ATF6: variants seen among roughly 807,000 people sequenced by gnomAD.
ATF6 encodes cyclic AMP-dependent transcription factor ATF-6 alpha.
In ATF6, 53 loss-of-function variants were observed where a neutral mutation model predicts 83.6. That is an observed-to-expected ratio of 0.63 (90% confidence interval 0.51 to 0.80). The LOEUF is 0.80. ATF6 is among the 30% of genes least tolerant of loss of function. ATF6 has a pLI of 0.00. For synonymous variants in ATF6, 288 were observed against 285.8 expected (o/e 1.01, Z -0.08); for missense variants, 744 against 797.9 (o/e 0.93, Z 0.81).
chr1:161,950,144 A>C (rs550486643), intron 15 of ATF6, among the ~76,000 whole-genome samples: 1 of 152,324 alleles, frequency 6.6e-6, no homozygotes, highest in South Asian at 2.1e-4. Context: ...TTAAGATTCC[A>C]TTTTATCAGT....
rs186657888 is a variant in ATF6 at position 161,780,381 on chromosome 1, A to T, written c.160-1531A>T. Among the ~76,000 whole-genome samples, 1,144 of 145,916 alleles carry T rather than the reference A, an allele frequency of 7.8e-3. 16 individuals carry two copies. The highest frequency in any genetic ancestry group is 0.028 in the African/African-American group (1,083 of 38,924). On this transcript the variant is annotated intron_variant, in intron 2 of 15. Coordinates refer to ENST00000367942, the MANE Select transcript of ATF6 (RefSeq NM_007348.4). ...GGTGTATTTTTTTATTTTTATTTTT[A>T]TTTTTTTTTTGAGACGGAGTCTTGC...
At chr1:161,937,841 T>G (rs1011676334) in intron 15 of ATF6, among the ~76,000 whole-genome samples, 2 of 151,940 alleles carry the variant, frequency 1.3e-5, no homozygotes, top group African/African-American at 2.4e-5. Context: ...TATACCTATG[T>G]AACAAACCTG....
chr1:161,806,003 G>T (rs1242076665), intron 7 of ATF6, among the ~76,000 whole-genome samples: 3 of 152,126 alleles, frequency 2.0e-5, no homozygotes, highest in Non-Finnish European at 4.4e-5. Flanking sequence ...GAAACAGTTT[G>T]CCTGGTTCAA....
chr1:161,926,545 A>T (rs1219171576), intron 15 of ATF6, among the ~76,000 whole-genome samples: 1 of 152,120 alleles, frequency 6.6e-6, no homozygotes, highest in African/African-American at 2.4e-5. Flanking sequence ...GAGTAAGAGC[A>T]CTCCCAAGAT....
chr1:161,785,475 CT>C (rs1232697603), intron 4 of ATF6, among the ~76,000 whole-genome samples: 3 of 152,200 alleles, frequency 2.0e-5, no homozygotes, highest in East Asian at 3.9e-4. Flanking sequence ...CAGGATAACT[CT>C]TAATTTCAGA....
At chr1:161,914,918 A>G (rs755969645) in intron 15 of ATF6, among the ~76,000 whole-genome samples, 7 of 152,204 alleles carry the variant, frequency 4.6e-5, no homozygotes, top group Non-Finnish European at 7.3e-5. Flanking sequence ...GAAAATTGCT[A>G]GAAAGTACCG....
At chr1:161,879,668 AT>A (rs2101856525) in intron 14 of ATF6, among the ~76,000 whole-genome samples, 1 of 152,220 alleles carries the variant, frequency 6.6e-6, no homozygotes, top group South Asian at 2.1e-4. Flanking sequence ...GGGGATGAAA[AT>A]ATTCTAGAAG....
chr1:161,810,179 C>T (rs1312604460), intron 7 of ATF6, among the ~76,000 whole-genome samples: 1 of 152,110 alleles, frequency 6.6e-6, no homozygotes, highest in African/African-American at 2.4e-5. Flanking sequence ...ATACCTGAAA[C>T]TGAGTGATTT....
intron 11 of ATF6, among the ~76,000 whole-genome samples, chr1:161,852,383 T>G (rs1686652745): frequency 6.6e-6 from 1 of 152,216 alleles, no homozygotes; most frequent in Admixed American, 6.5e-5. Context: ...AAGTTATATA[T>G]GAGCTATGCT....
At chr1:161,834,093 G>A (rs181890232) in intron 9 of ATF6, among the ~76,000 whole-genome samples, 35 of 152,234 alleles carry the variant, frequency 2.3e-4, no homozygotes, top group African/African-American at 6.5e-4. Context: ...GAGAGTGGGG[G>A]CCAATATTCA....
At chr1:161,851,233 A>AACACACAC (rs60202873) in intron 10 of ATF6, among the ~76,000 whole-genome samples, 2,925 of 75,356 alleles carry the variant, frequency 0.039, 87 homozygotes, top group East Asian at 0.073. Context: ...CCCTATCCTT[A>AACACACAC]ACACACACAC....
chr1:161,920,675 G>C (rs891063489), intron 15 of ATF6, among the ~76,000 whole-genome samples: 2 of 151,770 alleles, frequency 1.3e-5, no homozygotes, highest in African/African-American at 4.8e-5. Context: ...GCTGTGTTGA[G>C]TCAACGGCTT....
At chr1:161,774,452 TAC>T (rs1367414250) in intron 1 of ATF6, among the ~76,000 whole-genome samples, 1 of 151,956 alleles carries the variant, frequency 6.6e-6, no homozygotes, top group Non-Finnish European at 1.5e-5. Context: ...CACATATATA[TAC>T]ATACATTTTA....
At chr1:161,793,531 A>T (rs1026729696) in intron 6 of ATF6, among the ~76,000 whole-genome samples, 2 of 152,222 alleles carry the variant, frequency 1.3e-5, no homozygotes, top group African/African-American at 4.8e-5. Context: ...TATTCTAGGG[A>T]TAGTCTCCAA....
intron 15 of ATF6, among the ~76,000 whole-genome samples, chr1:161,930,596 T>A (rs538770826): frequency 1.3e-5 from 2 of 152,314 alleles, no homozygotes; most frequent in South Asian, 4.1e-4. Context: ...TGTTTTGATT[T>A]GGTGATGGAA....
chr1:161,770,973 G>A (rs747489623), intron 1 of ATF6, among the ~76,000 whole-genome samples: 5 of 152,172 alleles, frequency 3.3e-5, no homozygotes, highest in Non-Finnish European at 5.9e-5. Flanking sequence ...CATTTTTGAT[G>A]CTCCACATCC....
chr1:161,826,491 C>G (rs1451256012), intron 9 of ATF6, among the ~76,000 whole-genome samples: 2 of 152,092 alleles, frequency 1.3e-5, no homozygotes, highest in South Asian at 2.1e-4. Context: ...GATTAAAAAT[C>G]GGAGAAAGCT....
intron 3 of ATF6, 139 bp downstream of exon 3, chr1:161,782,138 T>C (rs1162408338): frequency 1.7e-6 from 1 of 586,902 alleles, no homozygotes; most frequent in Non-Finnish European, 3.0e-6. Flanking sequence ...CTACTTCTGG[T>C]ATGGCAATTA....
chr1:161,860,175 G>A (rs369035707), intron 12 of ATF6, 32 bp from the exon 13 acceptor site: 1 of 1,458,740 alleles, frequency 6.9e-7, no homozygotes, highest in Non-Finnish European at 9.4e-7. Context: ...TTGTGATACA[G>A]TATTAAACTT....
Sources: gnomAD v4.1 joint callset for allele counts (sites outside exome capture counted in the v4.1 genomes callset) on GRCh38, gnomAD v4.1.1 for gene constraint, MANE v1.5 for transcripts, NCBI Gene and HGNC (gene_info 2026-07-23, HGNC 2026-07-21) for gene names.